Variants in LEMD2 observed in about 807,000 individuals in gnomAD.
LEMD2 encodes the protein LEM domain nuclear envelope protein 2.
LEMD2 carries 34 observed loss-of-function variants against 58.8 expected under a neutral mutation model. The ratio of observed to expected loss-of-function variants is 0.58; its 90% CI spans 0.44 to 0.77. LEMD2 has a LOEUF of 0.77. Ranked by LOEUF, LEMD2 falls within the 30% of genes least tolerant of loss-of-function variation. The pLI is 0.00. For synonymous variants in LEMD2, 298 were observed against 308.9 expected (o/e 0.96, Z 0.37); for missense variants, 629 against 717.9 (o/e 0.88, Z 1.42).
At chr6:33,784,477 G>GGGGGGGGGGGGCCCCCCCCCC in intron 2 of LEMD2, 50 bp from the exon 3 acceptor site, 1 of 430,800 alleles carries the variant, frequency 2.3e-6, no homozygotes, top group Non-Finnish European at 4.8e-6. Context: ...GGTGGGAGGG[G>GGGGGGGGGGGGCCCCCCCCCC]TCCGTCTGTC....
intron 5 of LEMD2, chr6:33,779,682 T>A (rs572676105): frequency 6.1e-6 from 1 of 164,576 alleles, no homozygotes; most frequent in Non-Finnish European, 1.3e-5. Flanking sequence ...TATTTCCTTA[T>A]GCGATTTCCA....
rs775501586 is a variant in LEMD2, at chr6:33,772,461, G to A, written c.*167C>T. 1.9e-4 allele frequency: 113 copies of A among 586,400 alleles called. No individual in the cohort carries two copies. The highest frequency in any genetic ancestry group is 2.8e-4 in the Non-Finnish European group (99 of 348,312). 36.3% of individuals were successfully genotyped at this position (586,400 alleles called of 1,614,324 possible). A position where few individuals can be genotyped will look rare whatever the true frequency, so the allele number is the denominator to read the frequency against. ...TTAAAGGAAGCCCACATTTTCCTGC[G>A]AGCCGAACTCCTCTGAAGAGTATGG... On this transcript the variant is annotated 3_prime_UTR_variant, in exon 9 of 9. Transcript: ENST00000293760.
chr6:33,788,840 C>A lies in LEMD2; in HGVS notation c.277G>T (p.Ala93Ser). Residue 93 changes from alanine to serine, a missense_variant, in exon 1 of 9, where the codon GCC becomes TCC. Coordinates refer to ENST00000293760, the MANE Select transcript of LEMD2 (RefSeq NM_181336.4). ...GGGGTCGCGTAGGCCGAGCCCGAGG[C>A]CGGCTGGGAGAGCCAGGGCTCCGCC... is the stretch of plus-strand genomic sequence containing the variant. ...PRAEPWLSQP[A>S]SGSAYATPGA... is the part of the protein sequence containing the mutation. The A allele has an allele frequency of 2.1e-6, 3 of 1,414,316 alleles. No homozygotes were observed. Among genetic ancestry groups the A allele is most frequent in the Admixed American group, 3.1e-5 (1 of 32,374 alleles). 87.6% of individuals were successfully genotyped at this position (1,414,316 alleles called of 1,614,324 possible). A position where few individuals can be genotyped will look rare whatever the true frequency, so the allele number is the denominator to read the frequency against.
intron 1 of LEMD2, 104 bp downstream of exon 1, chr6:33,788,277 C>G: frequency 8.2e-7 from 1 of 1,215,374 alleles, no homozygotes; most frequent in Non-Finnish European, 1.1e-6. Context: ...TCAGAGGCAG[C>G]TGACAAGGCC....
chr6:33,788,289 G>C, intron 1 of LEMD2, 92 bp downstream of exon 1: 1 of 1,309,798 alleles, frequency 7.6e-7, no homozygotes, highest in Non-Finnish European at 1.0e-6. Context: ...GACAAGGCCG[G>C]AAGTGCGCGG....
chr6:33,781,512 G>T, intron 3 of LEMD2: 1 of 214,042 alleles, frequency 4.7e-6, no homozygotes. Context: ...AAGAAAGGCA[G>T]GGAGGCCATG....
rs1767310892 is a variant in LEMD2, at chr6:33,772,067, G to A, written c.*561C>T. ...GAGGGACCGTGTGTCTGGGCCTGGT[G>A]TTTCTAGACGGTCCCCCCTACAGTC... On this transcript the variant is annotated 3_prime_UTR_variant, in exon 9 of 9. Transcript: ENST00000293760. 1 of 153,100 alleles carries A rather than the reference G, an allele frequency of 6.5e-6. No homozygotes were observed. Among genetic ancestry groups the A allele is most frequent in the African/African-American group, 2.4e-5 (1 of 41,452 alleles). The allele number at this position is 153,100 out of a possible 1,614,324, so 9.5% of individuals were successfully genotyped here.
chr6:33,772,071 C>A lies in LEMD2; in HGVS notation c.*557G>T, dbSNP rs917771862. On this transcript the variant is annotated 3_prime_UTR_variant, in exon 9 of 9. Transcript: ENST00000293760. ...GACCGTGTGTCTGGGCCTGGTGTTT[C>A]TAGACGGTCCCCCCTACAGTCACTT... The A allele has an allele frequency of 6.5e-6, 1 of 153,120 alleles. No homozygotes were observed. Among genetic ancestry groups the A allele is most frequent in the East Asian group, 1.9e-4 (1 of 5,200 alleles). The allele number at this position is 153,120 out of a possible 1,614,324, so 9.5% of individuals were successfully genotyped here. A position where few individuals can be genotyped will look rare whatever the true frequency, so the allele number is the denominator to read the frequency against.
chr6:33,788,472 G>A lies in LEMD2; in HGVS notation c.645C>T (p.Leu215=), dbSNP rs769118521. The A allele has an allele frequency of 7.7e-6, 12 of 1,559,868 alleles. No homozygotes were observed. The highest frequency in any genetic ancestry group is 1.9e-5 in the Admixed American group (1 of 53,174). ...RLERWLSRLL[L]WASLGLLLVF... is the part of the protein sequence containing the mutation. ...CGAGCAGTAGCCCTAGGCTGGCCCA[G>A]AGCAGAAGCCGAGAGAGCCAGCGCT... Residue 215 remains leucine (L), a synonymous_variant, in exon 1 of 9, where the codon CTC becomes CTT. Transcript: ENST00000293760.
At chr6:33,780,246 G>T in intron 4 of LEMD2, 67 bp from the exon 5 acceptor site, 1 of 1,366,398 alleles carries the variant, frequency 7.3e-7, no homozygotes, top group Non-Finnish European at 1.0e-6. Flanking sequence ...TTATTCTGCT[G>T]CTGGATTAAG....
At position 33,788,390 on chromosome 6, in the gene LEMD2, C is replaced by T. The variant is rs754991762; in HGVS notation, c.727G>A (p.Glu243Lys). ...MGKPSAPQEA[E>K]DNMKLLPVDC... is the part of the protein sequence containing the mutation. ...CCGGCCCAGGACGTACTGTTGTCCT[C>T]CGCCTCCTGCGGCGCTGAGGGCTTG... Residue 243 changes from glutamate to lysine, a missense_variant, in exon 1 of 9, where the codon GAG (glutamate) becomes AAG (lysine). Transcript: ENST00000293760. 3 of 1,577,546 alleles carry T rather than the reference C, an allele frequency of 1.9e-6. No individual in the cohort carries two copies. Among genetic ancestry groups the T allele is most frequent in the Non-Finnish European group, 1.7e-6 (2 of 1,163,392 alleles).
Position 33,772,786 on chromosome 6 carries a change from G to C in LEMD2, c.1362-8C>G, listed in dbSNP as rs1046121790. On this transcript the variant is annotated splice_polypyrimidine_tract_variant and splice_region_variant and intron_variant, in intron 8 of 8. Coordinates refer to ENST00000293760, the MANE Select transcript of LEMD2 (RefSeq NM_181336.4). Reference sequence around the variant, plus strand: ...ACACGCTTCATGCGCCTCCTGCAATGAGAGGGACGGGGCTCTGCCTGGCAC... The same window carrying C: ...ACACGCTTCATGCGCCTCCTGCAATCAGAGGGACGGGGCTCTGCCTGGCAC... The C allele has an allele frequency of 3.1e-6, 5 of 1,612,002 alleles. No individual in the cohort carries two copies. Among genetic ancestry groups the C allele is most frequent in the Non-Finnish European group, 4.2e-6 (5 of 1,179,166 alleles).
rs1378820663 is a variant in LEMD2 at position 33,789,036 on chromosome 6, G to A, written c.81C>T (p.Thr27=). 1.3e-6 allele frequency: 2 copies of A among 1,558,048 alleles called. No homozygotes were observed. The highest frequency in any genetic ancestry group is 1.7e-6 in the Non-Finnish European group (2 of 1,159,026). Residue 27 remains threonine, a synonymous_variant, in exon 1 of 9, where the codon ACC becomes ACT. Transcript: ENST00000293760. ...GFQPGPITDT[T]RDVYRNKLRR... ...GCAGCTTGTTGCGGTAGACATCCCG[G>A]GTGGTGTCGGTGATGGGTCCTGGCT... is the stretch of plus-strand genomic sequence containing the variant.
chr6:33,772,781 G>A lies in LEMD2; in HGVS notation c.1362-3C>T, dbSNP rs1375841352. The A allele has an allele frequency of 1.2e-6, 2 of 1,612,732 alleles. No homozygotes were observed. Among genetic ancestry groups the A allele is most frequent in the East Asian group, 2.2e-5 (1 of 44,868 alleles). On this transcript the variant is annotated splice_polypyrimidine_tract_variant and splice_region_variant and intron_variant, in intron 8 of 8. Transcript: ENST00000293760. ...CCCAGACACGCTTCATGCGCCTCCT[G>A]CAATGAGAGGGACGGGGCTCTGCCT... is the stretch of plus-strand genomic sequence containing the variant.
At chr6:33,779,450 C>G (rs534898406) in intron 5 of LEMD2, 1 of 152,114 alleles carries the variant, frequency 6.6e-6, no homozygotes, top group Non-Finnish European at 1.5e-5. Flanking sequence ...TGAACAGAGA[C>G]CCCCACAAAC....
chr6:33,785,585 G>C (rs1009432156), intron 2 of LEMD2, among the ~76,000 whole-genome samples: 2 of 152,200 alleles, frequency 1.3e-5, no homozygotes, highest in African/African-American at 2.4e-5. Context: ...CCAAGAAATA[G>C]AAACCATGGA....
intron 2 of LEMD2, 29 bp downstream of exon 2, chr6:33,786,702 GAAT>G (rs761087216): frequency 1.3e-6 from 2 of 1,566,956 alleles, no homozygotes; most frequent in Middle Eastern, 1.7e-4. Context: ...TCCTCAGGAA[GAAT>G]AATAAAAACC....
chr6:33,779,269 T>G (rs1767511075), intron 5 of LEMD2: 1 of 152,114 alleles, frequency 6.6e-6, no homozygotes, highest in African/African-American at 2.4e-5. Flanking sequence ...GCTTTTTTTT[T>G]TTTTTAAGCC....
chr6:33,784,477 G>GGGGGGGGGGGGGGGCCCCCCCCC, intron 2 of LEMD2, 50 bp from the exon 3 acceptor site: 1 of 430,800 alleles, frequency 2.3e-6, no homozygotes, highest in Non-Finnish European at 4.8e-6. Flanking sequence ...GGTGGGAGGG[G>GGGGGGGGGGGGGGGCCCCCCCCC]TCCGTCTGTC....
Sources: gnomAD v4.1 joint callset for allele counts (sites outside exome capture counted in the v4.1 genomes callset) on GRCh38, gnomAD v4.1.1 for gene constraint, MANE v1.5 for transcripts, NCBI Gene and HGNC (gene_info 2026-07-23, HGNC 2026-07-21) for gene names.